The following ADGRA3 variants were observed in gnomAD, a reference collection of about 807,000 sequenced individuals.
ADGRA3 encodes the protein G-protein coupled receptor 125.
ADGRA3 carries 56 observed loss-of-function variants against 119.8 expected under a neutral mutation model. That is an observed-to-expected ratio of 0.47 (90% CI 0.38 to 0.58). ADGRA3 has a LOEUF of 0.58. ADGRA3 is among the 20% of genes least tolerant of loss of function. The pLI is 0.00. For missense variants in ADGRA3, 1,516 were observed against 1,649.0 expected, an observed-to-expected ratio of 0.92 and a Z score of 1.40; for synonymous variants, 607 against 623.8, an observed-to-expected ratio of 0.97 and a Z score of 0.40.
rs1715081181 is a variant in ADGRA3 at position 22,409,146 on chromosome 4, C to T, written c.2232+4036G>A. ...AGGAGCACTGTCCAGCACTCTACTACAAATCTTGTTCTTATACATTCTTTT... is the reference window on the plus strand; with the variant it reads ...AGGAGCACTGTCCAGCACTCTACTATAAATCTTGTTCTTATACATTCTTTT... On this transcript the variant is annotated intron_variant, in intron 14 of 18. Transcript: ENST00000334304. Among the ~76,000 whole-genome samples, 3 of 152,142 alleles carry T rather than the reference C, an allele frequency of 2.0e-5. No individual in the cohort carries two copies. In the South Asian group the frequency reaches 6.2e-4, roughly 32 times the overall value.
chr4:22,394,789 A>G lies in ADGRA3; in HGVS notation c.2482-2099T>C, dbSNP rs187556698. The G allele has an allele frequency of 2.0e-5, 3 of 152,312 alleles. No homozygotes were observed. The East Asian group carries it at 5.8e-4, about 29-fold the overall frequency. The allele number at this position is 152,312 out of a possible 1,614,324, so 9.4% of individuals were successfully genotyped here. A position where few individuals can be genotyped will look rare whatever the true frequency, so the allele number is the denominator to read the frequency against. ...CTGAAGTGTTTTCTATGGCATTTCT[A>G]AATTTCCAGAGGAGGTTTACTCTTA... On this transcript the variant is annotated intron_variant, in intron 16 of 18. Coordinates refer to ENST00000334304, the MANE Select transcript of ADGRA3 (RefSeq NM_145290.4).
intron 17 of ADGRA3, among the ~76,000 whole-genome samples, chr4:22,390,129 C>T (rs924156289): frequency 6.6e-6 from 1 of 151,828 alleles, no homozygotes; most frequent in Admixed American, 6.6e-5. Flanking sequence ...CCTTCCCCTT[C>T]TTCCTGCTGT....
intron 17 of ADGRA3, among the ~76,000 whole-genome samples, chr4:22,390,319 C>T (rs1560292068): frequency 5.3e-5 from 1 of 18,812 alleles, no homozygotes; most frequent in Non-Finnish European, 2.1e-4. Flanking sequence ...TTCTCTACTG[C>T]TTATATATAT....
chr4:22,494,878 T>C (rs1718756262), intron 1 of ADGRA3, among the ~76,000 whole-genome samples: 1 of 152,010 alleles, frequency 6.6e-6, no homozygotes, highest in African/African-American at 2.4e-5. Context: ...ATGTGGGGCA[T>C]ACTTCCAAGA....
At chr4:22,484,462 G>C (rs576724191) in intron 1 of ADGRA3, among the ~76,000 whole-genome samples, 1 of 151,950 alleles carries the variant, frequency 6.6e-6, no homozygotes, top group East Asian at 1.9e-4. Flanking sequence ...AAAATTATCC[G>C]GGCGTGTTGG....
chr4:22,495,735 C>T (rs908447908), intron 1 of ADGRA3, among the ~76,000 whole-genome samples: 5 of 151,750 alleles, frequency 3.3e-5, no homozygotes, highest in Admixed American at 6.6e-5. Flanking sequence ...GGTGAAACCC[C>T]GTCGCTACTA....
Position 22,388,112 on chromosome 4 carries a change from G to C in ADGRA3, c.3559C>G (p.Leu1187Val), listed in dbSNP as rs766589305. ...KGHRASRLTV[L>V]REYAYDVPTS... ...GGGACATCGTAGGCATATTCTCTCA[G>C]GACTGTGAGTCGGCTTGCCCGGTGT... The change falls in exon 19 of 19, where the codon CTG becomes GTG. Residue 1187 changes from leucine (L) to valine (V), a missense_variant. Coordinates refer to ENST00000334304, the MANE Select transcript of ADGRA3 (RefSeq NM_145290.4). 6.2e-7 allele frequency: 1 copy of C among 1,614,118 alleles called. No homozygotes were observed. The highest frequency in any genetic ancestry group is 8.5e-7 in the Non-Finnish European group (1 of 1,180,002).
chr4:22,442,845 G>A lies in ADGRA3; in HGVS notation c.725C>T (p.Pro242Leu), dbSNP rs771512345. ...ATGAGATGGAGTCATGTAGAAAGAC[G>A]GCAATTCAAGCGGAGGGTCTAGAGA... ...LLTCDPPLEL[P>L]SFYMTPSHRQ... The change falls in exon 7 of 19, where the codon CCG (proline) becomes CTG (leucine). Residue 242 changes from proline to leucine, a missense_variant. Physicochemically the swap from Pro to Leu is moderately conservative, Grantham distance 98. Transcript: ENST00000334304. 2.3e-5 allele frequency: 37 copies of A among 1,612,036 alleles called. No individual in the cohort carries two copies. The highest frequency in any genetic ancestry group is 2.6e-5 in the Non-Finnish European group (31 of 1,178,408).
chr4:22,388,244 TCA>T lies in ADGRA3; in HGVS notation c.3425_3426del (p.Leu1142HisfsTer8). On this transcript the variant is annotated frameshift_variant, in exon 19 of 19. Coordinates refer to ENST00000334304, the MANE Select transcript of ADGRA3 (RefSeq NM_145290.4). LOFTEE classifies it low-confidence loss of function (END_TRUNC). ...LNSTPQLDNS[L>X]TEHSMDNDIK... ...ATATCATTGTCCATTGAATGTTCTG[TCA>T]GACTATTATCAAGCTGAGGGGTGGA... The T allele has an allele frequency of 6.2e-7, 1 of 1,614,052 alleles. No homozygotes were observed. Among genetic ancestry groups the T allele is most frequent in the Non-Finnish European group, 8.5e-7 (1 of 1,179,934 alleles).
rs1713962745 is a variant in ADGRA3 at position 22,388,724 on chromosome 4, T to C, written c.2947A>G (p.Thr983Ala). The C allele has an allele frequency of 1.2e-6, 2 of 1,614,062 alleles. No individual in the cohort carries two copies. Among genetic ancestry groups the C allele is most frequent in the Non-Finnish European group, 1.7e-6 (2 of 1,179,978 alleles). ...GTGTGCTCATTTTCCAAGGCTGATGTAGAAATCAGAGACAAAGACATTGAA... is the reference window on the plus strand; with the variant it reads ...GTGTGCTCATTTTCCAAGGCTGATGCAGAAATCAGAGACAAAGACATTGAA... ...QDSMSLSLIS[T>A]SALENEHTFH... Residue 983 changes from threonine (T) to alanine (A), a missense_variant, in exon 19 of 19, where the codon ACA becomes GCA. This residue lies in a region of ADGRA3 where 1,088 missense variants were observed against 1,107.1 expected (regional missense o/e 0.98). Transcript: ENST00000334304.
intron 5 of ADGRA3, among the ~76,000 whole-genome samples, chr4:22,445,563 C>T (rs927886969): frequency 6.6e-6 from 1 of 152,156 alleles, no homozygotes; most frequent in African/African-American, 2.4e-5. Context: ...GGCCTAAATG[C>T]CTACCAACTC....
chr4:22,495,647 G>A (rs1281587960), intron 1 of ADGRA3, among the ~76,000 whole-genome samples: 2 of 151,454 alleles, frequency 1.3e-5, no homozygotes, highest in South Asian at 2.1e-4. Context: ...GGTGGCTCAC[G>A]CCTGTAATCC....
chr4:22,436,514 A>G lies in ADGRA3; in HGVS notation c.1213T>C (p.Phe405Leu). 6.2e-7 allele frequency: 1 copy of G among 1,613,396 alleles called. No individual in the cohort carries two copies. Among genetic ancestry groups the G allele is most frequent in the East Asian group, 2.2e-5 (1 of 44,868 alleles). Reference sequence around the variant, plus strand: ...CGAGAATAATCATCATCTGCCCAAAAGCCACCTCTATCACATCTGCGCCAA... The same window carrying G: ...CGAGAATAATCATCATCTGCCCAAAGGCCACCTCTATCACATCTGCGCCAA... The part of the protein sequence containing the change: ...KAWRRCDRGG[F>L]WADDDYSRCQ... The change falls in exon 9 of 19, where the codon TTT (phenylalanine) becomes CTT (leucine). Residue 405 changes from phenylalanine (F) to leucine (L), a missense_variant. Phe to Leu is a conservative substitution (Grantham distance 22). Coordinates refer to ENST00000334304, the MANE Select transcript of ADGRA3 (RefSeq NM_145290.4).
At chr4:22,412,877 G>C (rs1333882086) in intron 14 of ADGRA3, among the ~76,000 whole-genome samples, 1 of 152,090 alleles carries the variant, frequency 6.6e-6, no homozygotes, top group East Asian at 1.9e-4. Context: ...TGGGCAGAGG[G>C]AATCTGCATC....
At chr4:22,495,468 A>G (rs1431541332) in intron 1 of ADGRA3, among the ~76,000 whole-genome samples, 2 of 152,090 alleles carry the variant, frequency 1.3e-5, no homozygotes, top group Non-Finnish European at 2.9e-5. Context: ...AAACCACAGA[A>G]AGCAAAACCA....
intron 2 of ADGRA3, among the ~76,000 whole-genome samples, chr4:22,469,414 T>C (rs7698153): frequency 0.094 from 14,382 of 152,216 alleles, 775 homozygotes; most frequent in African/African-American, 0.12. Context: ...ATCACTTCAT[T>C]GAATGAATGA....
At chr4:22,485,277 ACTC>A (rs10565637) in intron 1 of ADGRA3, among the ~76,000 whole-genome samples, 74,161 of 151,450 alleles carry the variant, frequency 0.49, 19,109 homozygotes, top group East Asian at 0.6. Context: ...CTGGTCTCGA[ACTC>A]CTGGCCTCAA....
At chr4:22,408,066 T>C (rs925539728) in intron 14 of ADGRA3, among the ~76,000 whole-genome samples, 8 of 152,228 alleles carry the variant, frequency 5.3e-5, no homozygotes, top group African/African-American at 1.7e-4. Context: ...TATGACTTAC[T>C]TCTATGTTGC....
chr4:22,451,724 G>A (rs1253147939), intron 4 of ADGRA3, among the ~76,000 whole-genome samples: 1 of 152,112 alleles, frequency 6.6e-6, no homozygotes, highest in East Asian at 1.9e-4. Flanking sequence ...CCTTAGCCAA[G>A]GAAGTTTGAG....
Sources: allele counts gnomAD v4.1 joint callset (sites outside exome capture counted in the v4.1 genomes callset), GRCh38; gene constraint gnomAD v4.1.1; regional missense constraint gnomAD v4.1.1; transcripts MANE v1.5; gene names NCBI Gene and HGNC (gene_info 2026-07-23, HGNC 2026-07-21).